TBCD: variants seen among roughly 807,000 people sequenced by gnomAD.
TBCD encodes the protein tubulin-specific chaperone D.
TBCD carries 105 observed loss-of-function variants against 169.3 expected under a neutral mutation model. The ratio of observed to expected loss-of-function variants is 0.62; its 90% CI spans 0.53 to 0.73. The LOEUF (loss-of-function observed/expected upper bound fraction) is 0.73. Ranked by LOEUF, TBCD falls within the 30% of genes least tolerant of loss-of-function variation. TBCD has a pLI of 0.00. For missense variants in TBCD, 1,444 were observed against 1,600.1 expected (o/e 0.90, Z 1.66); for synonymous variants, 700 against 643.9 (o/e 1.09, Z -1.32).
chr17:82,848,263 C>T (rs142319969), intron 13 of TBCD, among the ~76,000 whole-genome samples: 5,276 of 152,300 alleles, frequency 0.035, 139 homozygotes, highest in Non-Finnish European at 0.052. Context: ...GGAGGGCGAG[C>T]GGCTTTTGGT....
Position 82,893,581 on chromosome 17 carries a change from C to T in TBCD, c.1598C>T (p.Thr533Ile). 6.2e-7 allele frequency: 1 copy of T among 1,612,340 alleles called. No individual in the cohort carries two copies. The highest frequency in any genetic ancestry group is 8.5e-7 in the Non-Finnish European group (1 of 1,179,200). ...TFPHGIDILT[T>I]ADYFAVGNRS... ...CCTCATGGTATTGATATTTTGACCACAGCTGACTATTTTGCCGTCGGTAAC... is the reference window on the plus strand; with the variant it reads ...CCTCATGGTATTGATATTTTGACCATAGCTGACTATTTTGCCGTCGGTAAC... The change falls in exon 17 of 39, where the codon ACA becomes ATA. Residue 533 changes from threonine (T) to isoleucine (I), a missense_variant. Thr to Ile is a moderately conservative substitution (Grantham distance 89, BLOSUM62 -1). Coordinates refer to ENST00000355528, the MANE Select transcript of TBCD (RefSeq NM_005993.5).
intron 38 of TBCD, chr17:82,941,935 T>A (rs6416854): frequency 0.85 from 179,695 of 211,272 alleles, 76,794 homozygotes; most frequent in South Asian, 0.95. Context: ...CTCAGTTCTC[T>A]CGGGGGCTGG....
Position 82,926,471 on chromosome 17 carries a change from C to T in TBCD, c.2451C>T (p.Asp817=), listed in dbSNP as rs576986860. 3.3e-5 allele frequency: 54 copies of T among 1,613,954 alleles called. No homozygotes were observed. The South Asian group carries it at 3.6e-4, about 11-fold the overall frequency. The change falls in exon 28 of 39, where the codon GAC becomes GAT. Residue 817 remains aspartate (D), a synonymous_variant. Transcript: ENST00000355528. ...TAAGTTTTGCTGAGTCCAGGAGAGA[C>T]GGCTTGAAGGCCATTGCGAGGTGAG... is the stretch of plus-strand genomic sequence containing the variant. ...EDVSFAESRR[D]GLKAIARICQ... is the part of the protein sequence containing the mutation.
chr17:82,893,798 G>C (rs2059302094), intron 17 of TBCD, among the ~76,000 whole-genome samples, 166 bp downstream of exon 17: 1 of 152,226 alleles, frequency 6.6e-6, no homozygotes. Context: ...ACTGAAACTT[G>C]TGTTTCATGT....
chr17:82,825,844 A>T (rs1378701288), intron 13 of TBCD, among the ~76,000 whole-genome samples: 2 of 152,134 alleles, frequency 1.3e-5, no homozygotes, highest in African/African-American at 4.8e-5. Flanking sequence ...TCACATCTGT[A>T]CTCCCAGCAC....
intron 23 of TBCD, among the ~76,000 whole-genome samples, chr17:82,919,309 A>G (rs1196936473): frequency 6.6e-6 from 1 of 152,130 alleles, no homozygotes; most frequent in African/African-American, 2.4e-5. Flanking sequence ...TGTAATCCCC[A>G]GCTAACAGAT....
rs907016561 is a variant in TBCD, at chr17:82,830,501, C to T, written c.1318+15567C>T. 5 of 1,613,472 alleles carry T rather than the reference C, an allele frequency of 3.1e-6. No homozygotes were observed. The highest frequency in any genetic ancestry group is 1.1e-5 in the South Asian group (1 of 91,072). On this transcript the variant is annotated intron_variant, in intron 13 of 38. Coordinates refer to ENST00000355528, the MANE Select transcript of TBCD (RefSeq NM_005993.5). Reference sequence around the variant, plus strand: ...CCTGTGGGTGGGGCCCCGTCACCGTCGAGGCTGCCTGGCTTGGTCTCAGGG... The same window carrying T: ...CCTGTGGGTGGGGCCCCGTCACCGTTGAGGCTGCCTGGCTTGGTCTCAGGG...
intron 13 of TBCD, among the ~76,000 whole-genome samples, chr17:82,845,419 T>C (rs1324574763): frequency 6.7e-6 from 1 of 149,710 alleles, no homozygotes; most frequent in South Asian, 2.1e-4. Context: ...CCCCTTCCTC[T>C]CCATCTTGTC....
chr17:82,803,240 G>C (rs912767377), intron 9 of TBCD, among the ~76,000 whole-genome samples: 5 of 152,196 alleles, frequency 3.3e-5, no homozygotes, highest in African/African-American at 1.2e-4. Context: ...CCAGGGATTG[G>C]TCTTTCCTCC....
intron 13 of TBCD, among the ~76,000 whole-genome samples, chr17:82,828,536 G>A (rs1444662111): frequency 4.3e-5 from 2 of 46,568 alleles, no homozygotes; most frequent in African/African-American, 9.6e-5. Context: ...CGTGCACACC[G>A]GCACAATGGA....
Position 82,932,664 on chromosome 17 carries a change from C to G in TBCD, c.3120C>G (p.Ser1040=). ...CAGCTCCTTCTCCCCTCAGGGTGTCCGTGCCGCTGCTGAAGACGCTGGACC... is the reference window on the plus strand; with the variant it reads ...CAGCTCCTTCTCCCCTCAGGGTGTCGGTGCCGCTGCTGAAGACGCTGGACC... ...FEDNLLNERV[S]VPLLKTLDHV... The change falls in exon 34 of 39, where the codon TCC becomes TCG. Residue 1040 remains serine (S), a synonymous_variant. Transcript: ENST00000355528. The G allele has an allele frequency of 6.2e-7, 1 of 1,613,230 alleles. No individual in the cohort carries two copies. Among genetic ancestry groups the G allele is most frequent in the Non-Finnish European group, 8.5e-7 (1 of 1,179,728 alleles).
At chr17:82,753,121 A>G (rs2047204470) in intron 1 of TBCD, among the ~76,000 whole-genome samples, 1 of 152,182 alleles carries the variant, frequency 6.6e-6, no homozygotes, top group Admixed American at 6.5e-5. Flanking sequence ...TAATTCAGTA[A>G]AATCATCTTT....
intron 13 of TBCD, among the ~76,000 whole-genome samples, chr17:82,867,604 C>A (rs2057268588): frequency 1.3e-5 from 2 of 152,230 alleles, no homozygotes; most frequent in African/African-American, 4.8e-5. Context: ...CCGGGGCAAA[C>A]AACTGAGGGC....
intron 13 of TBCD, among the ~76,000 whole-genome samples, chr17:82,815,517 A>G (rs929470588): frequency 6.6e-6 from 1 of 152,230 alleles, no homozygotes; most frequent in Non-Finnish European, 1.5e-5. Context: ...GTGGGGACAG[A>G]GGGCACAGCA....
chr17:82,921,431 G>C, intron 24 of TBCD, 70 bp from the exon 25 acceptor site: 1 of 1,285,240 alleles, frequency 7.8e-7, no homozygotes, highest in Non-Finnish European at 1.1e-6. Flanking sequence ...AATAGAAGCT[G>C]TTTTTGCTGT....
At position 82,941,390 on chromosome 17, in the gene TBCD, T is replaced by G; in HGVS notation, c.3480-9T>G. On this transcript the variant is annotated splice_polypyrimidine_tract_variant and intron_variant, in intron 37 of 38. Transcript: ENST00000355528. ...CTCGAGAGACTCACGGCTCTCCCTC[T>G]CCTCACAGGGACGCGGAGCTTGCAG... 2 of 1,582,572 alleles carry G rather than the reference T, an allele frequency of 1.3e-6. No homozygotes were observed. The highest frequency in any genetic ancestry group is 1.7e-6 in the Non-Finnish European group (2 of 1,169,720).
At position 82,830,156 on chromosome 17, in the gene TBCD, C is replaced by T. The variant is rs774940961; in HGVS notation, c.1318+15222C>T. On this transcript the variant is annotated intron_variant, in intron 13 of 38. Transcript: ENST00000355528. Reference sequence around the variant, plus strand: ...TGAACCCGGCGTTAGGACACCCGGGCCCTCCTTCGTAGTGTGAACACTCTG... The same window carrying T: ...TGAACCCGGCGTTAGGACACCCGGGTCCTCCTTCGTAGTGTGAACACTCTG... 2 of 1,613,944 alleles carry T rather than the reference C, an allele frequency of 1.2e-6. No individual in the cohort carries two copies. Among genetic ancestry groups the T allele is most frequent in the South Asian group, 1.1e-5 (1 of 91,072 alleles).
At chr17:82,886,520 A>G (rs915301750) in intron 15 of TBCD, among the ~76,000 whole-genome samples, 7 of 150,886 alleles carry the variant, frequency 4.6e-5, no homozygotes, top group Admixed American at 1.3e-4. Flanking sequence ...CTTAAAGCCT[A>G]CATTTAACTG....
chr17:82,924,126 G>T (rs1180910541), intron 26 of TBCD, among the ~76,000 whole-genome samples: 2 of 152,116 alleles, frequency 1.3e-5, no homozygotes, highest in Non-Finnish European at 2.9e-5. Context: ...GCTAATTTTT[G>T]TATTTTTAGT....
Sources: allele counts gnomAD v4.1 joint callset (sites outside exome capture counted in the v4.1 genomes callset), GRCh38; gene constraint gnomAD v4.1.1; transcripts MANE v1.5; gene names NCBI Gene and HGNC (gene_info 2026-07-23, HGNC 2026-07-21).